SYT16: variants seen among roughly 807,000 people sequenced by gnomAD.
SYT16 encodes the protein synaptotagmin-16.
SYT16 carries 42 observed loss-of-function variants against 61.4 expected under a neutral mutation model. The ratio of observed to expected loss-of-function variants is 0.68; its 90% confidence interval spans 0.53 to 0.89. SYT16 has a LOEUF of 0.89. SYT16 is among the 40% of genes least tolerant of loss of function. The pLI, the probability that SYT16 is intolerant of heterozygous loss-of-function variation, is 0.00. For synonymous variants in SYT16, 314 were observed against 302.3 expected (o/e 1.04, Z -0.40); for missense variants, 804 against 807.3 (o/e 1.00, Z 0.05).
intron 1 of SYT16, among the ~76,000 whole-genome samples, chr14:61,885,856 C>G (rs775558262): frequency 1.3e-5 from 2 of 151,950 alleles, no homozygotes; most frequent in Middle Eastern, 3.2e-3. Flanking sequence ...CAACAGTCAT[C>G]TAAGTCTTCA....
intron 3 of SYT16, among the ~76,000 whole-genome samples, chr14:62,059,188 T>C (rs1319607698): frequency 6.6e-6 from 1 of 152,148 alleles, no homozygotes; most frequent in Non-Finnish European, 1.5e-5. Flanking sequence ...AGTTTACCTA[T>C]GTAACAAACC....
At chr14:61,939,469 T>C (rs769191993) in intron 1 of SYT16, among the ~76,000 whole-genome samples, 2 of 152,202 alleles carry the variant, frequency 1.3e-5, no homozygotes, top group Non-Finnish European at 2.9e-5. Context: ...AGGACAGAAG[T>C]CTGAGATCAA....
chr14:62,069,223 G>C (rs1197807204), intron 3 of SYT16, among the ~76,000 whole-genome samples: 1 of 152,222 alleles, frequency 6.6e-6, no homozygotes, highest in Non-Finnish European at 1.5e-5. Flanking sequence ...ACATCCCATG[G>C]TCATTGACTA....
Position 62,057,634 on chromosome 14 carries a change from T to C in SYT16, c.524-11969T>C, listed in dbSNP as rs79579530. On this transcript the variant is annotated intron_variant, in intron 3 of 7. Coordinates refer to ENST00000683842, the MANE Select transcript of SYT16 (RefSeq NM_001367656.1). ...CAAGTACTTATTGGCTCATGACTTA[T>C]GGATTTGAGCTTTCTCAACTGCACA... Among the ~76,000 whole-genome samples the C allele has an allele frequency of 1.1e-4, 17 of 152,342 alleles. No homozygotes were observed. The East Asian group carries it at 1.2e-3, about 10-fold the overall frequency.
intron 1 of SYT16, among the ~76,000 whole-genome samples, chr14:61,883,905 A>G (rs2047794206): frequency 6.6e-6 from 1 of 152,214 alleles, no homozygotes; most frequent in Non-Finnish European, 1.5e-5. Flanking sequence ...GAGAAATGCC[A>G]GATGCTTATA....
At chr14:61,906,825 C>CCATCCATA (rs1300997986) in intron 1 of SYT16, among the ~76,000 whole-genome samples, 1 of 151,344 alleles carries the variant, frequency 6.6e-6, no homozygotes, top group Non-Finnish European at 1.5e-5. Flanking sequence ...ATCCATCCAT[C>CCATCCATA]CATCCCAGTA....
chr14:62,038,656 A>G (rs1185261483), intron 3 of SYT16, among the ~76,000 whole-genome samples: 2 of 152,056 alleles, frequency 1.3e-5, no homozygotes, highest in Non-Finnish European at 2.9e-5. Flanking sequence ...TCTGGCCTTT[A>G]TAGTTCCCTG....
intron 3 of SYT16, among the ~76,000 whole-genome samples, chr14:62,032,006 G>A (rs1287589198): frequency 6.6e-6 from 1 of 152,122 alleles, no homozygotes; most frequent in Non-Finnish European, 1.5e-5. Flanking sequence ...AAAAATGGAA[G>A]GGAATTTAAT....
At chr14:61,980,296 G>A (rs978824754) in intron 2 of SYT16, among the ~76,000 whole-genome samples, 19 of 152,114 alleles carry the variant, frequency 1.2e-4, no homozygotes, top group African/African-American at 4.6e-4. Flanking sequence ...GTTTTTGTAG[G>A]TGAGAAGTTT....
At chr14:61,880,622 T>G (rs2047668428) in intron 1 of SYT16, among the ~76,000 whole-genome samples, 1 of 152,218 alleles carries the variant, frequency 6.6e-6, no homozygotes, top group Non-Finnish European at 1.5e-5. Flanking sequence ...TATTTAGTTT[T>G]TCCTTAATAT....
chr14:61,906,681 A>ACT (rs982826302), intron 1 of SYT16, among the ~76,000 whole-genome samples: 1 of 151,910 alleles, frequency 6.6e-6, no homozygotes, highest in African/African-American at 2.4e-5. Context: ...GAACAGCTAC[A>ACT]CTAACTCAAG....
At chr14:61,935,044 A>G (rs774396036) in intron 1 of SYT16, among the ~76,000 whole-genome samples, 4 of 152,208 alleles carry the variant, frequency 2.6e-5, no homozygotes, top group Non-Finnish European at 4.4e-5. Context: ...GTATGGGAAA[A>G]TGATTACCAC....
At chr14:61,971,418 C>T (rs1390197465) in intron 2 of SYT16, among the ~76,000 whole-genome samples, 2 of 152,026 alleles carry the variant, frequency 1.3e-5, no homozygotes, top group Non-Finnish European at 2.9e-5. Flanking sequence ...TGTCAGAGTC[C>T]CCTCCAGGAT....
intron 1 of SYT16, among the ~76,000 whole-genome samples, chr14:61,938,738 G>GA (rs1411552178): frequency 2.0e-5 from 3 of 152,206 alleles, no homozygotes; most frequent in African/African-American, 7.2e-5. Context: ...AACAGGTGAA[G>GA]ATGAATTTTG....
intron 1 of SYT16, among the ~76,000 whole-genome samples, chr14:61,899,681 C>G (rs562791220): frequency 6.6e-6 from 1 of 152,326 alleles, no homozygotes; most frequent in East Asian, 1.9e-4. Context: ...TCAGAATGGT[C>G]TCTGTCTTAG....
chr14:62,050,699 C>A lies in SYT16; in HGVS notation c.524-18904C>A, dbSNP rs1403471664. Among the ~76,000 whole-genome samples, 5 of 152,264 alleles carry A rather than the reference C, an allele frequency of 3.3e-5. No individual in the cohort carries two copies. The East Asian group carries it at 9.7e-4, about 29-fold the overall frequency. ...TAGTTTTCCTTCTAACAGTCAGGAC[C>A]CTCAGCTGCAGGTCTGTTGGAGTTT... On this transcript the variant is annotated intron_variant, in intron 3 of 7. Transcript: ENST00000683842.
chr14:61,871,173 C>T (rs2047319961), intron 1 of SYT16, among the ~76,000 whole-genome samples: 1 of 152,112 alleles, frequency 6.6e-6, no homozygotes, highest in South Asian at 2.1e-4. Flanking sequence ...ACTAATGAGG[C>T]AATCAACCTT....
intron 5 of SYT16, among the ~76,000 whole-genome samples, chr14:62,079,604 T>C (rs548632511): frequency 6.6e-6 from 1 of 152,342 alleles, no homozygotes; most frequent in East Asian, 1.9e-4. Flanking sequence ...GATGCACATT[T>C]TGAGGCATTG....
At chr14:62,041,053 C>A (rs906805902) in intron 3 of SYT16, among the ~76,000 whole-genome samples, 1 of 152,162 alleles carries the variant, frequency 6.6e-6, no homozygotes, top group African/African-American at 2.4e-5. Flanking sequence ...AGCTGAAGAA[C>A]TTGGAGTCCG....
Sources: gnomAD v4.1 joint callset for allele counts (sites outside exome capture counted in the v4.1 genomes callset) on GRCh38, gnomAD v4.1.1 for gene constraint, MANE v1.5 for transcripts, NCBI Gene and HGNC (gene_info 2026-07-23, HGNC 2026-07-21) for gene names.